CLEC3A: variants seen among roughly 807,000 people sequenced by gnomAD.
The protein encoded by CLEC3A is C-type (calcium dependent, carbohydrate-recognition domain) lectin, superfamily member 1 (cartilage-derived).
A neutral mutation model predicts 20.4 loss-of-function variants in CLEC3A; 28 were observed. The ratio of observed to expected loss-of-function variants is 1.37; its 90% CI spans 1.02 to 1.88. The LOEUF is 1.88. Ranked by LOEUF, CLEC3A falls within the 40% of genes most tolerant of loss-of-function variation. The pLI is 0.00. For synonymous variants in CLEC3A, 110 were observed against 88.1 expected, an observed-to-expected ratio of 1.25 and a Z score of -1.39; for missense variants, 357 against 240.4, an observed-to-expected ratio of 1.48 and a Z score of -3.21.
At chr16:78,026,228 A>C (rs2029918918) in intron 1 of CLEC3A, among the ~76,000 whole-genome samples, 1 of 152,198 alleles carries the variant, frequency 6.6e-6, no homozygotes, top group Admixed American at 6.5e-5. Flanking sequence ...CAGCTTCCTA[A>C]CCCAAATGAG....
At chr16:78,024,641 T>A (rs1004828288) in intron 1 of CLEC3A, among the ~76,000 whole-genome samples, 1 of 152,144 alleles carries the variant, frequency 6.6e-6, no homozygotes, top group African/African-American at 2.4e-5. Context: ...CCTAAACCGA[T>A]CAAGCAATTA....
At position 78,031,192 on chromosome 16, in the gene CLEC3A, G is replaced by A; in HGVS notation, c.*351G>A. 1 of 182,498 alleles carries A rather than the reference G, an allele frequency of 5.5e-6. No individual in the cohort carries two copies. Among genetic ancestry groups the A allele is most frequent in the South Asian group, 1.6e-4 (1 of 6,434 alleles). The allele number at this position is 182,498 out of a possible 1,614,324, so 11.3% of individuals were successfully genotyped here. ...CATCACTCTAGAAAAGCAAGCTTAG[G>A]CTACCTGAAAGATTTTCCCTTGGAA... On this transcript the variant is annotated 3_prime_UTR_variant, in exon 3 of 3. Coordinates refer to ENST00000299642, the MANE Select transcript of CLEC3A (RefSeq NM_005752.6).
intron 1 of CLEC3A, among the ~76,000 whole-genome samples, chr16:78,024,478 C>G (rs775905878): frequency 3.3e-5 from 5 of 152,072 alleles, no homozygotes; most frequent in African/African-American, 4.8e-5. Context: ...TCTGTCATAA[C>G]CACATGTGCA....
chr16:78,029,710 C>T (rs1447564696), intron 2 of CLEC3A, among the ~76,000 whole-genome samples: 1 of 151,870 alleles, frequency 6.6e-6, no homozygotes, highest in South Asian at 2.1e-4. Context: ...ATATTAAATA[C>T]CATCTAGTTC....
intron 1 of CLEC3A, among the ~76,000 whole-genome samples, chr16:78,025,386 G>A (rs544139373): frequency 6.6e-6 from 1 of 152,310 alleles, no homozygotes; most frequent in African/African-American, 2.4e-5. Flanking sequence ...ATGTTAGGAT[G>A]TTATGAGACA....
chr16:78,027,972 A>G (rs957790387), intron 1 of CLEC3A, 135 bp from the exon 2 acceptor site: 34 of 703,058 alleles, frequency 4.8e-5, no homozygotes, highest in Non-Finnish European at 8.1e-5. Context: ...ATTTTCACGC[A>G]TTATTTTTTG....
In CLEC3A at chr16:78,028,103, C is replaced by T. The variant is rs1282236532; in HGVS notation, c.116-4C>T. 3 of 1,605,028 alleles carry T rather than the reference C, an allele frequency of 1.9e-6. No homozygotes were observed. The highest frequency in any genetic ancestry group is 2.2e-5 in the East Asian group (1 of 44,780). On this transcript the variant is annotated splice_region_variant and splice_polypyrimidine_tract_variant and intron_variant, in intron 1 of 2. Transcript: ENST00000299642. The stretch of plus-strand genomic sequence containing the variant: ...ACCCCATCCCACCCTAAAATTTTCC[C>T]CAGACAAGGATGGAGATCTGAAGAC...
In CLEC3A at chr16:78,032,044, G is replaced by A. The variant is rs2030144396; in HGVS notation, c.*1203G>A. Reference sequence around the variant, plus strand: ...TTGCAAACTTTAACTACACATGCTTGGAATTAAGTTTTAGCTGTTTTCATT... The same window carrying A: ...TTGCAAACTTTAACTACACATGCTTAGAATTAAGTTTTAGCTGTTTTCATT... On this transcript the variant is annotated 3_prime_UTR_variant, in exon 3 of 3. Coordinates refer to ENST00000299642, the MANE Select transcript of CLEC3A (RefSeq NM_005752.6). 1 of 152,540 alleles carries A rather than the reference G, an allele frequency of 6.6e-6. No individual in the cohort carries two copies. 9.4% of individuals were successfully genotyped at this position (152,540 alleles called of 1,614,324 possible).
rs200673800 is a variant in CLEC3A at position 78,030,679 on chromosome 16, C to A, written c.432C>A (p.Val144=). The A allele has an allele frequency of 3.7e-5, 60 of 1,614,008 alleles. 1 individual carries two copies. The highest frequency in any genetic ancestry group is 4.7e-5 in the Non-Finnish European group (56 of 1,180,034). The part of the protein sequence containing the change: ...DMVTEGKFVD[V]NGIAISFLNW... ...TCACGGAAGGCAAGTTTGTTGACGT[C>A]AACGGAATCGCTATCTCCTTCCTCA... Residue 144 remains valine, a synonymous_variant, in exon 3 of 3, where the codon GTC becomes GTA. Coordinates refer to ENST00000299642, the MANE Select transcript of CLEC3A (RefSeq NM_005752.6).
Position 78,028,099 on chromosome 16 carries a change from T to G in CLEC3A, c.116-8T>G, listed in dbSNP as rs989166619. 1.9e-6 allele frequency: 3 copies of G among 1,603,416 alleles called. No individual in the cohort carries two copies. The African/African-American group carries it at 4.0e-5, about 22-fold the overall frequency. On this transcript the variant is annotated splice_region_variant and splice_polypyrimidine_tract_variant and intron_variant, in intron 1 of 2. Coordinates refer to ENST00000299642, the MANE Select transcript of CLEC3A (RefSeq NM_005752.6). The stretch of plus-strand genomic sequence containing the variant: ...ACCTACCCCATCCCACCCTAAAATT[T>G]TCCCCAGACAAGGATGGAGATCTGA...
At position 78,028,188 on chromosome 16, in the gene CLEC3A, C is replaced by A. The variant is rs1269261779; in HGVS notation, c.197C>A (p.Thr66Lys). The A allele has an allele frequency of 6.2e-7, 1 of 1,606,484 alleles. No individual in the cohort carries two copies. Among genetic ancestry groups the A allele is most frequent in the African/African-American group, 1.3e-5 (1 of 74,332 alleles). The part of the protein sequence containing the change: ...NALKEIQALQ[T>K]VCLRGTKVHK... The stretch of plus-strand genomic sequence containing the variant: ...TTGAAGGAAATTCAAGCCCTGCAGA[C>A]AGGTAAGGTGCAGACCTTCTCAGTG... The change falls in exon 2 of 3, where the codon ACA becomes AAA. Residue 66 changes from threonine to lysine, a missense_variant and splice_region_variant. Coordinates refer to ENST00000299642, the MANE Select transcript of CLEC3A (RefSeq NM_005752.6).
chr16:78,030,955 C>G lies in CLEC3A; in HGVS notation c.*114C>G, dbSNP rs999927798. 7 of 1,199,672 alleles carry G rather than the reference C, an allele frequency of 5.8e-6. No homozygotes were observed. Among genetic ancestry groups the G allele is most frequent in the African/African-American group, 3.1e-5 (2 of 64,916 alleles). 74.3% of individuals were successfully genotyped at this position (1,199,672 alleles called of 1,614,324 possible). ...TTATTAAAAAATTGCAACACAAGAT[C>G]AATGTCCATAGCAATATGATAGCAT... On this transcript the variant is annotated 3_prime_UTR_variant, in exon 3 of 3. Transcript: ENST00000299642.
At chr16:78,026,147 G>C (rs895593230) in intron 1 of CLEC3A, among the ~76,000 whole-genome samples, 2 of 152,192 alleles carry the variant, frequency 1.3e-5, no homozygotes, top group African/African-American at 4.8e-5. Context: ...TGAGCCATGG[G>C]ATGCTTTGAG....
intron 2 of CLEC3A, chr16:78,028,996 G>T (rs2030006895): frequency 2.5e-6 from 1 of 394,454 alleles, no homozygotes; most frequent in African/African-American, 2.1e-5. Context: ...TTAAAAGACA[G>T]TCAAATGCTT....
Position 78,031,897 on chromosome 16 carries a change from A to ATGAAGTT in CLEC3A, c.*1056_*1057insTGAAGTT, listed in dbSNP as rs1456340520. On this transcript the variant is annotated 3_prime_UTR_variant, in exon 3 of 3. Transcript: ENST00000299642. ...AAAATAACTTCATTGCTTAATATCA[A>ATGAAGTT]ATTACAAAGTTTAGACTTGGAGGGA... is the stretch of plus-strand genomic sequence containing the variant. 1 of 152,468 alleles carries ATGAAGTT rather than the reference A, an allele frequency of 6.6e-6. No individual in the cohort carries two copies. Among genetic ancestry groups the ATGAAGTT allele is most frequent in the Non-Finnish European group, 1.5e-5 (1 of 68,032 alleles). 9.4% of individuals were successfully genotyped at this position (152,468 alleles called of 1,614,324 possible). A position where few individuals can be genotyped will look rare whatever the true frequency, so the allele number is the denominator to read the frequency against.
intron 1 of CLEC3A, among the ~76,000 whole-genome samples, chr16:78,027,751 G>C (rs1341701294): frequency 6.6e-6 from 1 of 151,988 alleles, no homozygotes; most frequent in Non-Finnish European, 1.5e-5. Context: ...TGCCTCCCAA[G>C]TTGAAGCAGT....
chr16:78,023,993 G>C (rs868208942), intron 1 of CLEC3A, among the ~76,000 whole-genome samples: 19 of 152,150 alleles, frequency 1.2e-4, no homozygotes, highest in Middle Eastern at 3.4e-3. Context: ...TCCTGACCTC[G>C]TGATTCGTCA....
At chr16:78,023,746 G>C (rs1488723381) in intron 1 of CLEC3A, among the ~76,000 whole-genome samples, 1 of 150,882 alleles carries the variant, frequency 6.6e-6, no homozygotes, top group Non-Finnish European at 1.5e-5. Flanking sequence ...TTTAGGTCTG[G>C]TGCAAGGTTT....
chr16:78,027,665 G>T lies in CLEC3A; in HGVS notation c.116-442G>T, dbSNP rs114395744. Reference sequence around the variant, plus strand: ...CATTCATTGTTTTTTTGTTTGTTTGGTTTTTTTTCAGACAGAGTTTCACTC... The same window carrying T: ...CATTCATTGTTTTTTTGTTTGTTTGTTTTTTTTTCAGACAGAGTTTCACTC... On this transcript the variant is annotated intron_variant, in intron 1 of 2. Coordinates refer to ENST00000299642, the MANE Select transcript of CLEC3A (RefSeq NM_005752.6). 2.8e-3 allele frequency among the ~76,000 whole-genome samples: 416 copies of T among 150,250 alleles called. 4 individuals are homozygous for T. Among genetic ancestry groups the T allele is most frequent in the African/African-American group, 9.1e-3 (371 of 40,786 alleles).
Sources: gnomAD v4.1 joint callset for allele counts (sites outside exome capture counted in the v4.1 genomes callset) on GRCh38, gnomAD v4.1.1 for gene constraint, MANE v1.5 for transcripts, NCBI Gene and HGNC (gene_info 2026-07-23, HGNC 2026-07-21) for gene names.